The following ARHGAP8 variants were observed in gnomAD, a reference collection of about 807,000 sequenced individuals.
ARHGAP8 encodes the protein Rho GTPase activating protein 8.
In ARHGAP8, 62 loss-of-function variants were observed where a neutral mutation model predicts 46.1. The ratio of observed to expected loss-of-function variants is 1.34; its 90% confidence interval spans 1.10 to 1.66. ARHGAP8 has a LOEUF of 1.66. ARHGAP8 is among the 40% of genes most tolerant of loss of function. The pLI is 0.00. For synonymous variants in ARHGAP8, 375 were observed against 243.1 expected (o/e 1.54, Z -5.05); for missense variants, 923 against 568.4 (o/e 1.62, Z -6.34).
At chr22:44,783,164 A>T (rs1753549828) in intron 1 of ARHGAP8, among the ~76,000 whole-genome samples, 1 of 151,456 alleles carries the variant, frequency 6.6e-6, no homozygotes. Context: ...CTGGTCTCGA[A>T]CTCCTGACCT....
At chr22:44,851,556 G>A (rs1455631955) in intron 10 of ARHGAP8, among the ~76,000 whole-genome samples, 1 of 152,174 alleles carries the variant, frequency 6.6e-6, no homozygotes, top group Non-Finnish European at 1.5e-5. Context: ...TGGGCATGGT[G>A]GCTCATGCCT....
At chr22:44,807,029 G>A (rs1486647371) in intron 3 of ARHGAP8, among the ~76,000 whole-genome samples, 1 of 152,100 alleles carries the variant, frequency 6.6e-6, no homozygotes, top group Non-Finnish European at 1.5e-5. Flanking sequence ...CTTCCGGGCA[G>A]TGCGGGACCA....
rs544997155 is a variant in ARHGAP8 at position 44,805,654 on chromosome 22, G to A, written c.168-2653G>A. On this transcript the variant is annotated intron_variant, in intron 3 of 11. Coordinates refer to ENST00000356099, the MANE Select transcript of ARHGAP8 (RefSeq NM_181335.3). ...TCACCTGGTGCTTTTTTCACTCAGC[G>A]TGGGACAAGCATCTGCCCAGAGGAA... Among the ~76,000 whole-genome samples the A allele has an allele frequency of 2.0e-4, 30 of 152,276 alleles. No homozygotes were observed. In the East Asian group the frequency reaches 2.5e-3, roughly 13 times the overall value.
At chr22:44,848,861 CAG>C (rs1187845510) in intron 9 of ARHGAP8, 69 bp from the exon 10 acceptor site, 2 of 1,597,756 alleles carry the variant, frequency 1.3e-6, no homozygotes, top group Middle Eastern at 1.7e-4. Flanking sequence ...CCCTGTGTCT[CAG>C]AGCTCGTTCT....
At chr22:44,768,242 G>A (rs750175120) in intron 1 of ARHGAP8, among the ~76,000 whole-genome samples, 7 of 151,636 alleles carry the variant, frequency 4.6e-5, no homozygotes, top group Admixed American at 6.6e-5. Context: ...TGATCCACCC[G>A]CCTCAGCCTC....
At chr22:44,822,855 C>T (rs1385408567) in intron 6 of ARHGAP8, among the ~76,000 whole-genome samples, 4 of 152,204 alleles carry the variant, frequency 2.6e-5, no homozygotes, top group Non-Finnish European at 4.4e-5. Flanking sequence ...AGGGACGTCA[C>T]GGGTGCTCTA....
chr22:44,770,751 G>A (rs1458486354), intron 1 of ARHGAP8, among the ~76,000 whole-genome samples: 5 of 152,244 alleles, frequency 3.3e-5, no homozygotes, highest in African/African-American at 1.2e-4. Context: ...GGAGTAATTG[G>A]GGAAGATATA....
rs755107395 is a variant in ARHGAP8 at position 44,814,718 on chromosome 22, T to C, written c.346T>C (p.Phe116Leu). 4.3e-6 allele frequency: 7 copies of C among 1,613,886 alleles called. No homozygotes were observed. Among genetic ancestry groups the C allele is most frequent in the African/African-American group, 2.7e-5 (2 of 74,906 alleles). Residue 116 changes from phenylalanine (F) to leucine (L), a missense_variant, in exon 5 of 12, where the codon TTC (phenylalanine) becomes CTC (leucine). Phe to Leu is a conservative substitution (Grantham distance 22). Coordinates refer to ENST00000356099, the MANE Select transcript of ARHGAP8 (RefSeq NM_181335.3). ...CCTCTACGTGGTGCACCCCACCAGC[T>C]TCATCAAGGTCCTGTGGAACATCTT... ...KALYVVHPTS[F>L]IKVLWNILKP...
At chr22:44,858,460 T>G (rs11913791) in intron 10 of ARHGAP8, among the ~76,000 whole-genome samples, 1 of 147,060 alleles carries the variant, frequency 6.8e-6, no homozygotes, top group Non-Finnish European at 1.5e-5. Flanking sequence ...CTCTGTCTTC[T>G]GAGTTCAAGC....
intron 2 of ARHGAP8, among the ~76,000 whole-genome samples, chr22:44,799,895 G>A (rs1247699779): frequency 2.0e-5 from 3 of 152,044 alleles, no homozygotes; most frequent in Admixed American, 1.3e-4. Context: ...CTGCATGCAG[G>A]GGGTCCTCTG....
At chr22:44,844,568 G>T (rs1271725681) in intron 7 of ARHGAP8, among the ~76,000 whole-genome samples, 1 of 151,768 alleles carries the variant, frequency 6.6e-6, no homozygotes, top group Non-Finnish European at 1.5e-5. Flanking sequence ...GTTCAAGTGA[G>T]TCCCCTGCCT....
At chr22:44,765,041 A>T (rs925751852) in intron 1 of ARHGAP8, among the ~76,000 whole-genome samples, 1 of 152,196 alleles carries the variant, frequency 6.6e-6, no homozygotes, top group African/African-American at 2.4e-5. Flanking sequence ...TGTTTGGATG[A>T]TGCAGAGGCT....
intron 7 of ARHGAP8, among the ~76,000 whole-genome samples, chr22:44,833,704 A>AT (rs1264026284): frequency 1.3e-5 from 2 of 152,116 alleles, no homozygotes; most frequent in East Asian, 3.9e-4. Context: ...CTCCTCTTCT[A>AT]TTTTTTGGAA....
chr22:44,778,268 C>T (rs149076976), intron 1 of ARHGAP8, among the ~76,000 whole-genome samples: 10 of 152,178 alleles, frequency 6.6e-5, no homozygotes, highest in Non-Finnish European at 1.5e-4. Context: ...CTTATGAGAA[C>T]GTAACAATGT....
intron 2 of ARHGAP8, among the ~76,000 whole-genome samples, chr22:44,788,636 C>T (rs758459919): frequency 6.6e-6 from 1 of 151,726 alleles, no homozygotes; most frequent in African/African-American, 2.4e-5. Context: ...TCAAGTGATC[C>T]GCCTACCTCT....
intron 1 of ARHGAP8, among the ~76,000 whole-genome samples, chr22:44,785,566 A>G (rs189823233): frequency 9.3e-4 from 141 of 152,120 alleles, no homozygotes; most frequent in Non-Finnish European, 1.6e-3. Flanking sequence ...TTAACTACTT[A>G]CATCTCCAAA....
intron 7 of ARHGAP8, among the ~76,000 whole-genome samples, chr22:44,833,466 A>G (rs947124232): frequency 1.1e-4 from 16 of 152,262 alleles, no homozygotes; most frequent in African/African-American, 3.1e-4. Context: ...ATGGTGTATT[A>G]TATTGATTGA....
intron 2 of ARHGAP8, among the ~76,000 whole-genome samples, chr22:44,790,737 T>G (rs13057932): frequency 3.1e-5 from 3 of 96,768 alleles, no homozygotes; most frequent in Non-Finnish European, 4.2e-5. Flanking sequence ...TGGCCGTTTT[T>G]TTTTTTTTTT....
At position 44,827,336 on chromosome 22, in the gene ARHGAP8, G is replaced by GTTTTTTTTTTTTTTTTTT. The variant is rs796490147; in HGVS notation, c.596+1752_596+1769dup. 2.9e-3 allele frequency among the ~76,000 whole-genome samples: 198 copies of GTTTTTTTTTTTTTTTTTT among 67,262 alleles called. 43 individuals are homozygous for GTTTTTTTTTTTTTTTTTT. Among genetic ancestry groups the GTTTTTTTTTTTTTTTTTT allele is most frequent in the Middle Eastern group, 0.031 (2 of 64 alleles). 44.1% of individuals were successfully genotyped at this position (67,262 alleles called of 152,430 possible). On this transcript the variant is annotated intron_variant, in intron 7 of 11. Transcript: ENST00000356099. ...GGTGAGATAATACATTTGGGTGGTG[G>GTTTTTTTTTTTTTTTTTT]TTTTTTTTTTTTTTTTTTTTTTTTT...
Sources: gnomAD v4.1 joint callset for allele counts (sites outside exome capture counted in the v4.1 genomes callset) on GRCh38, gnomAD v4.1.1 for gene constraint, MANE v1.5 for transcripts, NCBI Gene and HGNC (gene_info 2026-07-23, HGNC 2026-07-21) for gene names.